PRKCE: variants seen among roughly 807,000 people sequenced by gnomAD.
PRKCE encodes the protein protein kinase C epsilon type.
PRKCE carries 16 observed loss-of-function variants against 85.4 expected under a neutral mutation model. The ratio of observed to expected loss-of-function variants is 0.19; its 90% CI spans 0.13 to 0.28. The LOEUF is 0.28. Among genes scored for constraint, PRKCE ranks in the 10% least tolerant of loss-of-function variants. PRKCE has a pLI of 1.00. For missense variants in PRKCE, 573 were observed against 975.2 expected (o/e 0.59, Z 5.49); for synonymous variants, 388 against 371.5 (o/e 1.04, Z -0.51).
chr2:45,966,666 C>T lies in PRKCE; in HGVS notation c.413-9763C>T, dbSNP rs1026563190. On this transcript the variant is annotated intron_variant, in intron 2 of 14. Coordinates refer to ENST00000306156, the MANE Select transcript of PRKCE (RefSeq NM_005400.3). ...TTTCCTCAATCTAGTCCCATTTCTGCTTTTTTCTAGAGTTAAGTCAGTGTT... is the reference window on the plus strand; with the variant it reads ...TTTCCTCAATCTAGTCCCATTTCTGTTTTTTTCTAGAGTTAAGTCAGTGTT... 2.0e-5 allele frequency among the ~76,000 whole-genome samples: 3 copies of T among 152,164 alleles called. No individual in the cohort carries two copies. The East Asian group carries it at 5.8e-4, about 29-fold the overall frequency.
chr2:45,708,053 G>A (rs950704597), intron 1 of PRKCE, among the ~76,000 whole-genome samples: 1 of 152,246 alleles, frequency 6.6e-6, no homozygotes, highest in African/African-American at 2.4e-5. Context: ...GCTGCAGGGT[G>A]CTGCACATGT....
chr2:45,913,173 G>C (rs1697504704), intron 2 of PRKCE, among the ~76,000 whole-genome samples: 1 of 152,184 alleles, frequency 6.6e-6, no homozygotes, highest in African/African-American at 2.4e-5. Flanking sequence ...TTGAGACAGG[G>C]TCTCGCTTTG....
intron 1 of PRKCE, among the ~76,000 whole-genome samples, chr2:45,710,244 T>C (rs1272292997): frequency 1.3e-5 from 2 of 152,226 alleles, no homozygotes; most frequent in African/African-American, 4.8e-5. Flanking sequence ...GTAAGAACAC[T>C]GAGGCCCAGC....
At chr2:45,946,909 A>G (rs537947787) in intron 2 of PRKCE, among the ~76,000 whole-genome samples, 93 of 152,358 alleles carry the variant, frequency 6.1e-4, no homozygotes, top group African/African-American at 2.2e-3. Context: ...GGCTTGCCAC[A>G]GCCAGGAGCT....
intron 2 of PRKCE, among the ~76,000 whole-genome samples, chr2:45,930,249 G>A (rs1255095272): frequency 2.0e-5 from 3 of 152,176 alleles, no homozygotes; most frequent in Non-Finnish European, 4.4e-5. Flanking sequence ...GCTAACTTTG[G>A]TGTTTGGAAA....
intron 2 of PRKCE, among the ~76,000 whole-genome samples, chr2:45,863,772 A>G (rs1178736340): frequency 6.6e-6 from 1 of 151,928 alleles, no homozygotes; most frequent in East Asian, 2.0e-4. Flanking sequence ...GGGGAGGACA[A>G]GTGGTCATGA....
intron 2 of PRKCE, among the ~76,000 whole-genome samples, chr2:45,892,962 A>C (rs893809141): frequency 1.3e-5 from 2 of 152,150 alleles, no homozygotes; most frequent in Non-Finnish European, 2.9e-5. Flanking sequence ...CAGGGAATTC[A>C]CCGTGAAAGT....
chr2:45,717,344 G>A (rs1308434126), intron 1 of PRKCE, among the ~76,000 whole-genome samples: 1 of 152,172 alleles, frequency 6.6e-6, no homozygotes, highest in South Asian at 2.1e-4. Context: ...CTCTCTGTCT[G>A]TCTTCTTACC....
At chr2:45,702,636 C>A (rs1678741956) in intron 1 of PRKCE, among the ~76,000 whole-genome samples, 1 of 152,154 alleles carries the variant, frequency 6.6e-6, no homozygotes, top group Non-Finnish European at 1.5e-5. Flanking sequence ...GATTTAGTCA[C>A]TGTTTTACCA....
intron 1 of PRKCE, among the ~76,000 whole-genome samples, chr2:45,653,370 GTTTTTTTT>G (rs34888247): frequency 1.2e-3 from 72 of 61,486 alleles, no homozygotes; most frequent in South Asian, 3.4e-3. Context: ...TTTTTGGGTT[GTTTTTTTT>G]TTTTTTTTTT....
rs74349055 is a variant in PRKCE, at chr2:46,138,459, G to A, written c.1593-6634G>A. 8.5e-4 allele frequency among the ~76,000 whole-genome samples: 129 copies of A among 152,302 alleles called. No homozygotes were observed. Among genetic ancestry groups the A allele is most frequent in the Non-Finnish European group, 1.5e-3 (101 of 68,026 alleles). ...CATACATTTAAACATGTGGGTTGAG[G>A]ATGCCAATTAGCAGGGTTGGTAGAG... On this transcript the variant is annotated intron_variant, in intron 11 of 14. Coordinates refer to ENST00000306156, the MANE Select transcript of PRKCE (RefSeq NM_005400.3). The surrounding 1 kb of genome is among the most constrained non-coding windows in gnomAD (Gnocchi z 4.2).
chr2:45,722,463 C>T (rs1432934383), intron 1 of PRKCE, among the ~76,000 whole-genome samples: 4 of 152,150 alleles, frequency 2.6e-5, no homozygotes, highest in East Asian at 3.9e-4. Context: ...CTGAAAAGGC[C>T]GCAGGAACCT....
chr2:45,832,056 C>T (rs1483607538), intron 1 of PRKCE, among the ~76,000 whole-genome samples: 1 of 152,146 alleles, frequency 6.6e-6, no homozygotes, highest in African/African-American at 2.4e-5. Flanking sequence ...TAAAACTGTT[C>T]TTTTTCTCAC....
At chr2:45,969,339 A>G (rs979063038) in intron 2 of PRKCE, among the ~76,000 whole-genome samples, 8 of 152,152 alleles carry the variant, frequency 5.3e-5, no homozygotes, top group African/African-American at 1.2e-4. Flanking sequence ...GCATAAAACA[A>G]CGGACCTCCA....
At chr2:45,922,809 A>G (rs1698349244) in intron 2 of PRKCE, among the ~76,000 whole-genome samples, 1 of 152,220 alleles carries the variant, frequency 6.6e-6, no homozygotes, top group African/African-American at 2.4e-5. Flanking sequence ...TGTATCTTCC[A>G]GTGCTGGGAT....
Position 46,064,839 on chromosome 2 carries a change from G to A in PRKCE, c.1438-21369G>A, listed in dbSNP as rs1022214873. On this transcript the variant is annotated intron_variant, in intron 10 of 14. Coordinates refer to ENST00000306156, the MANE Select transcript of PRKCE (RefSeq NM_005400.3). ...TTTTGCTACTTGATGCTCATCCATG[G>A]CCTGTGGAATGTATCGTCCTTTCAT... is the stretch of plus-strand genomic sequence containing the variant. Among the ~76,000 whole-genome samples the A allele has an allele frequency of 2.0e-5, 3 of 152,298 alleles. No individual in the cohort carries two copies. The East Asian group carries it at 5.8e-4, about 29-fold the overall frequency.
Position 46,138,723 on chromosome 2 carries a change from G to C in PRKCE, c.1593-6370G>C, listed in dbSNP as rs1675229134. On this transcript the variant is annotated intron_variant, in intron 11 of 14. Transcript: ENST00000306156. This position sits in a 1 kb window ranked among gnomAD's most constrained non-coding sequence, Gnocchi z 4.2. ...ACAGTTGGTTGTCACAGCTGGAGAG[G>C]GGGCATACTAATAGCACCTAATGCA... Among the ~76,000 whole-genome samples the C allele has an allele frequency of 6.6e-6, 1 of 152,094 alleles. No homozygotes were observed. Among genetic ancestry groups the C allele is most frequent in the Admixed American group, 6.5e-5 (1 of 15,272 alleles).
At chr2:45,713,916 T>A (rs914688223) in intron 1 of PRKCE, among the ~76,000 whole-genome samples, 6 of 152,218 alleles carry the variant, frequency 3.9e-5, no homozygotes, top group African/African-American at 1.4e-4. Context: ...GTTTGCAAAC[T>A]TTTGCATTTC....
chr2:45,843,086 C>T (rs762432273), intron 2 of PRKCE, 23 bp downstream of exon 2: 4 of 1,608,924 alleles, frequency 2.5e-6, no homozygotes, highest in Non-Finnish European at 3.4e-6. Flanking sequence ...GACTTCTCAT[C>T]CCTGTTTTCT....
Sources: allele counts gnomAD v4.1 joint callset (sites outside exome capture counted in the v4.1 genomes callset), GRCh38; gene constraint gnomAD v4.1.1; non-coding constraint Gnocchi (gnomAD v3.1); transcripts MANE v1.5; gene names NCBI Gene and HGNC (gene_info 2026-07-23, HGNC 2026-07-21).